The following SEMA5A variants were observed in gnomAD, a reference collection of about 807,000 sequenced individuals.
SEMA5A encodes the protein semaphorin-5A.
In SEMA5A, 55 loss-of-function variants were observed where a neutral mutation model predicts 135.5. That is an observed-to-expected ratio of 0.41 (90% CI 0.33 to 0.51). The LOEUF (loss-of-function observed/expected upper bound fraction) is 0.51, where lower values mean the gene tolerates loss of function less well. SEMA5A is among the 20% of genes least tolerant of loss of function. The probability of loss-of-function intolerance (pLI) is 0.37; values close to 1 mark genes in which losing one functional copy is unlikely to be tolerated. For synonymous variants in SEMA5A, 580 were observed against 546.5 expected (o/e 1.06, Z -0.85); for missense variants, 1,290 against 1,419.9 (o/e 0.91, Z 1.47).
intron 2 of SEMA5A, among the ~76,000 whole-genome samples, chr5:9,414,056 T>C (rs1757199945): frequency 6.6e-6 from 1 of 152,200 alleles, no homozygotes; most frequent in South Asian, 2.1e-4. Context: ...CTACTGTCTT[T>C]CTTGACTAAC....
intron 5 of SEMA5A, among the ~76,000 whole-genome samples, chr5:9,310,113 G>A (rs1035544081): frequency 3.9e-5 from 6 of 152,048 alleles, no homozygotes; most frequent in African/African-American, 1.2e-4. Context: ...CCGAGTACTA[G>A]GTACCATAAT....
At chr5:9,486,815 T>C (rs1413265919) in intron 1 of SEMA5A, among the ~76,000 whole-genome samples, 2 of 152,014 alleles carry the variant, frequency 1.3e-5, no homozygotes, top group Non-Finnish European at 2.9e-5. Flanking sequence ...GGTAGAAAAC[T>C]TTACCTATGA....
intron 11 of SEMA5A, among the ~76,000 whole-genome samples, chr5:9,178,491 C>A (rs1432936384): frequency 1.3e-5 from 2 of 151,896 alleles, no homozygotes; most frequent in African/African-American, 4.8e-5. Context: ...GCCCCCACAC[C>A]CGGCTACTTT....
At chr5:9,389,083 C>A (rs2126521206) in intron 2 of SEMA5A, among the ~76,000 whole-genome samples, 1 of 152,258 alleles carries the variant, frequency 6.6e-6, no homozygotes, top group East Asian at 1.9e-4. Context: ...CTTGTGAAAT[C>A]CAGGAAGCTT....
chr5:9,165,263 T>C (rs893917639), intron 11 of SEMA5A, among the ~76,000 whole-genome samples: 6 of 152,106 alleles, frequency 3.9e-5, no homozygotes, highest in Admixed American at 3.9e-4. Flanking sequence ...ATCTGATATA[T>C]ATAAAAATTC....
chr5:9,285,092 C>G (rs1273182104), intron 5 of SEMA5A, among the ~76,000 whole-genome samples: 1 of 152,148 alleles, frequency 6.6e-6, no homozygotes, highest in East Asian at 1.9e-4. Context: ...CTCAAGCCTC[C>G]TACACTTTTT....
intron 5 of SEMA5A, among the ~76,000 whole-genome samples, chr5:9,265,031 A>G (rs1173033037): frequency 6.6e-6 from 1 of 152,192 alleles, no homozygotes; most frequent in Non-Finnish European, 1.5e-5. Flanking sequence ...AGCCTTCATT[A>G]TAATGCACAT....
chr5:9,518,803 T>C (rs1010391468), intron 1 of SEMA5A, among the ~76,000 whole-genome samples: 1 of 152,144 alleles, frequency 6.6e-6, no homozygotes, highest in African/African-American at 2.4e-5. Context: ...AGATGCTGAC[T>C]CAAAACAGAA....
intron 3 of SEMA5A, among the ~76,000 whole-genome samples, chr5:9,341,966 A>G (rs912164888): frequency 2.0e-5 from 3 of 151,978 alleles, no homozygotes; most frequent in African/African-American, 7.2e-5. Context: ...ATCCAGTCTT[A>G]CAACTTCAAG....
chr5:9,300,531 A>C (rs1038712055), intron 5 of SEMA5A, among the ~76,000 whole-genome samples: 1 of 152,198 alleles, frequency 6.6e-6, no homozygotes, highest in South Asian at 2.1e-4. Context: ...ATCTCTTCCA[A>C]ACAAAGAGGC....
At chr5:9,258,806 T>TC (rs1749234080) in intron 5 of SEMA5A, among the ~76,000 whole-genome samples, 1 of 124,632 alleles carries the variant, frequency 8.0e-6, no homozygotes, top group African/African-American at 3.0e-5. Context: ...TTTCTTTCTT[T>TC]TTTTTTTTTT....
At chr5:9,308,026 A>G (rs1481513820) in intron 5 of SEMA5A, among the ~76,000 whole-genome samples, 4 of 152,232 alleles carry the variant, frequency 2.6e-5, no homozygotes, top group Non-Finnish European at 2.9e-5. Flanking sequence ...ATTCAATAAT[A>G]AAGTATGTAC....
At chr5:9,240,978 C>T (rs1463022258) in intron 5 of SEMA5A, among the ~76,000 whole-genome samples, 1 of 152,062 alleles carries the variant, frequency 6.6e-6, no homozygotes, top group African/African-American at 2.4e-5. Flanking sequence ...TAATTTTTGT[C>T]ATCTTTTGTC....
chr5:9,263,537 T>C (rs1191783571), intron 5 of SEMA5A, among the ~76,000 whole-genome samples: 1 of 152,162 alleles, frequency 6.6e-6, no homozygotes, highest in African/African-American at 2.4e-5. Context: ...CCAATGCTCG[T>C]GGAAAAATTG....
chr5:9,244,086 G>GGC (rs1469379020), intron 5 of SEMA5A, among the ~76,000 whole-genome samples: 1 of 152,158 alleles, frequency 6.6e-6, no homozygotes, highest in Non-Finnish European at 1.5e-5. Context: ...TTTGCCTAAT[G>GGC]AAACTCTAAA....
At chr5:9,349,411 C>A (rs701494) in intron 3 of SEMA5A, among the ~76,000 whole-genome samples, 100,649 of 152,058 alleles carry the variant, frequency 0.66, 34,227 homozygotes, top group South Asian at 0.76. Flanking sequence ...AGACAGACCT[C>A]TGCCTTCAAG....
chr5:9,388,898 C>CAA (rs111310656), intron 2 of SEMA5A, among the ~76,000 whole-genome samples: 3,088 of 136,588 alleles, frequency 0.023, 60 homozygotes, highest in Non-Finnish European at 0.033. Flanking sequence ...GACTCCGTCT[C>CAA]AAAAAAAAAA....
chr5:9,412,403 C>T (rs138174383), intron 2 of SEMA5A, among the ~76,000 whole-genome samples: 49 of 151,752 alleles, frequency 3.2e-4, no homozygotes, highest in African/African-American at 1.2e-3. Context: ...CTTGATTGAC[C>T]TACAATATTC....
rs114918087 is a variant in SEMA5A at position 9,148,165 on chromosome 5, C to T, written c.1481+6323G>A. Among the ~76,000 whole-genome samples, 281 of 152,212 alleles carry T rather than the reference C, an allele frequency of 1.8e-3. 1 individual carries two copies. Among genetic ancestry groups the T allele is most frequent in the African/African-American group, 4.5e-3 (188 of 41,530 alleles). On this transcript the variant is annotated intron_variant, in intron 12 of 22. Coordinates refer to ENST00000382496, the MANE Select transcript of SEMA5A (RefSeq NM_003966.3). ...AAAGGGTAGAAAATTCCATGGTGTT[C>T]AGAAAATATTAGGGTACAGATTAAC... is the stretch of plus-strand genomic sequence containing the variant.
Sources: gnomAD v4.1 joint callset for allele counts (sites outside exome capture counted in the v4.1 genomes callset) on GRCh38, gnomAD v4.1.1 for gene constraint, MANE v1.5 for transcripts, NCBI Gene and HGNC (gene_info 2026-07-23, HGNC 2026-07-21) for gene names.